MCC: variants seen among roughly 807,000 people sequenced by gnomAD.
MCC encodes colorectal mutant cancer protein.
A neutral mutation model predicts 116.2 loss-of-function variants in MCC; 90 were observed. That is an observed-to-expected ratio of 0.77 (90% CI 0.65 to 0.92). The LOEUF (loss-of-function observed/expected upper bound fraction) is 0.92, where lower values mean the gene tolerates loss of function less well. MCC is among the 40% of genes least tolerant of loss of function. MCC has a pLI of 0.00. For missense variants in MCC, 1,516 were observed against 1,312.2 expected (o/e 1.16, Z -2.40); for synonymous variants, 578 against 510.5 (o/e 1.13, Z -1.78).
intron 3 of MCC, 144 bp downstream of exon 3, chr5:113,340,375 T>G: frequency 2.7e-6 from 2 of 743,332 alleles, no homozygotes; most frequent in Non-Finnish European, 4.4e-6. Context: ...CACTAAACAT[T>G]ACTGGCAATG....
At position 113,303,087 on chromosome 5, in the gene MCC, C is replaced by T. The variant is rs866984793; in HGVS notation, c.627+37432G>A. 1.1e-3 allele frequency among the ~76,000 whole-genome samples: 163 copies of T among 152,242 alleles called. 1 individual carries two copies. Among genetic ancestry groups the T allele is most frequent in the Middle Eastern group, 6.8e-3 (2 of 294 alleles). On this transcript the variant is annotated intron_variant, in intron 3 of 18. Coordinates refer to ENST00000408903, the MANE Select transcript of MCC (RefSeq NM_001085377.2). ...GTTGGTGTGGGGAAGGACCAAGTTT[C>T]GCAGAGGAAATCAAGTGTTCCATGT... is the stretch of plus-strand genomic sequence containing the variant.
At chr5:113,090,992 G>A (rs1413972525) in intron 8 of MCC, among the ~76,000 whole-genome samples, 2 of 152,234 alleles carry the variant, frequency 1.3e-5, no homozygotes, top group African/African-American at 2.4e-5. Flanking sequence ...CAGAATGAGA[G>A]CGTGGGAGGG....
intron 3 of MCC, among the ~76,000 whole-genome samples, chr5:113,257,581 G>A (rs1452958304): frequency 6.6e-6 from 1 of 152,082 alleles, no homozygotes; most frequent in African/African-American, 2.4e-5. Context: ...GTTGAGAAGG[G>A]AAAGAAAACT....
Position 113,434,926 on chromosome 5 carries a change from T to G in MCC, c.171-49714A>C. Reference sequence around the variant, plus strand: ...GCAGTGTGCTCATTTACATCCTGGATAGAGAGTCCTTTGGGCTGGCCAGGC... The same window carrying G: ...GCAGTGTGCTCATTTACATCCTGGAGAGAGAGTCCTTTGGGCTGGCCAGGC... On this transcript the variant is annotated intron_variant, in intron 1 of 18. Transcript: ENST00000408903. This position sits in a 1 kb window ranked among gnomAD's most constrained non-coding sequence, Gnocchi z 4.2. The G allele has an allele frequency of 1.3e-6, 2 of 1,496,390 alleles. No individual in the cohort carries two copies. 92.7% of individuals were successfully genotyped at this position (1,496,390 alleles called of 1,614,324 possible).
intron 1 of MCC, among the ~76,000 whole-genome samples, chr5:113,464,845 G>A (rs1358696563): frequency 6.6e-6 from 1 of 151,808 alleles, no homozygotes; most frequent in African/African-American, 2.4e-5. Context: ...TAAAATGTAG[G>A]GGGAAAATTA....
chr5:113,433,888 C>T (rs1346199372), intron 1 of MCC: 1 of 1,614,020 alleles, frequency 6.2e-7, no homozygotes, highest in Admixed American at 1.7e-5. Flanking sequence ...TGGGGCTGTG[C>T]CTCTCCCTCA....
At chr5:113,152,579 C>T (rs1759946609) in intron 3 of MCC, among the ~76,000 whole-genome samples, 1 of 152,172 alleles carries the variant, frequency 6.6e-6, no homozygotes, top group African/African-American at 2.4e-5. Context: ...GTACGTAACT[C>T]AACTTTGAAG....
At chr5:113,203,050 A>T (rs1581247786) in intron 3 of MCC, among the ~76,000 whole-genome samples, 1 of 151,896 alleles carries the variant, frequency 6.6e-6, no homozygotes, top group Non-Finnish European at 1.5e-5. Context: ...TTTGGTGACC[A>T]CTCCCCTTCC....
chr5:113,169,284 C>T (rs559595584), intron 3 of MCC, among the ~76,000 whole-genome samples: 20 of 152,136 alleles, frequency 1.3e-4, no homozygotes, highest in African/African-American at 4.3e-4. Flanking sequence ...AGCCAAGAAA[C>T]CCAGAAGGAG....
chr5:113,319,380 TA>T (rs1349251621), intron 3 of MCC, among the ~76,000 whole-genome samples: 1 of 152,146 alleles, frequency 6.6e-6, no homozygotes, highest in Non-Finnish European at 1.5e-5. Context: ...GATGTAAACA[TA>T]AGGACTGGAA....
chr5:113,040,372 G>A (rs1486053648), intron 17 of MCC, among the ~76,000 whole-genome samples: 1 of 152,010 alleles, frequency 6.6e-6, no homozygotes, highest in African/African-American at 2.4e-5. Flanking sequence ...TTCTCCTTAA[G>A]GACAGCCCAT....
chr5:113,116,326 AACAAC>A (rs1428606389), intron 6 of MCC, among the ~76,000 whole-genome samples: 1 of 152,216 alleles, frequency 6.6e-6, no homozygotes, highest in Non-Finnish European at 1.5e-5. Context: ...GGGATGCGGT[AACAAC>A]ACTAGCAAGG....
intron 5 of MCC, among the ~76,000 whole-genome samples, chr5:113,132,429 T>TAC (rs1758503588): frequency 7.4e-5 from 1 of 13,444 alleles, no homozygotes; most frequent in African/African-American, 9.0e-5. Context: ...CACACATACA[T>TAC]ATATATATAT....
At chr5:113,049,463 C>G (rs1752346084) in intron 15 of MCC, among the ~76,000 whole-genome samples, 164 bp from the exon 16 acceptor site, 1 of 152,226 alleles carries the variant, frequency 6.6e-6, no homozygotes, top group Non-Finnish European at 1.5e-5. Flanking sequence ...AGACGTGGCA[C>G]CTGTCACCAC....
intron 3 of MCC, among the ~76,000 whole-genome samples, chr5:113,229,671 C>G (rs1763870934): frequency 6.6e-6 from 1 of 152,220 alleles, no homozygotes; most frequent in Non-Finnish European, 1.5e-5. Flanking sequence ...GCCACATATA[C>G]AACGGTGGTC....
chr5:113,141,380 C>G (rs762283642), intron 5 of MCC, among the ~76,000 whole-genome samples: 37 of 152,344 alleles, frequency 2.4e-4, no homozygotes, highest in Non-Finnish European at 4.9e-4. Flanking sequence ...TGAAACTTCT[C>G]AGACTCCATA....
rs577138143 is a variant in MCC, at chr5:113,393,391, T to C, written c.171-8179A>G. Among the ~76,000 whole-genome samples the C allele has an allele frequency of 2.0e-5, 3 of 152,326 alleles. No homozygotes were observed. In the South Asian group the frequency reaches 6.2e-4, roughly 32 times the overall value. ...GGAGGGGAAAATGTTTAAAATAATGTCATTCATATCAATAAGTGTTTACAG... is the reference window on the plus strand; with the variant it reads ...GGAGGGGAAAATGTTTAAAATAATGCCATTCATATCAATAAGTGTTTACAG... On this transcript the variant is annotated intron_variant, in intron 1 of 18. Coordinates refer to ENST00000408903, the MANE Select transcript of MCC (RefSeq NM_001085377.2).
chr5:113,256,167 C>G (rs148144424), intron 3 of MCC, among the ~76,000 whole-genome samples: 51 of 152,308 alleles, frequency 3.3e-4, no homozygotes, highest in African/African-American at 1.2e-3. Context: ...TTTAGCTGCA[C>G]CAACCCTATC....
chr5:113,115,782 C>A lies in MCC; in HGVS notation c.1027+6902G>T, dbSNP rs1757360005. Among the ~76,000 whole-genome samples the A allele has an allele frequency of 3.3e-5, 5 of 152,138 alleles. No individual in the cohort carries two copies. The South Asian group carries it at 1.0e-3, about 32-fold the overall frequency. ...TCATTTTACTTATTTGACTATTGAT[C>A]ACCTGAATTGGCACAGCTTTAAAAT... On this transcript the variant is annotated intron_variant, in intron 6 of 18. Transcript: ENST00000408903.
Sources: allele counts gnomAD v4.1 joint callset (sites outside exome capture counted in the v4.1 genomes callset), GRCh38; gene constraint gnomAD v4.1.1; non-coding constraint Gnocchi (gnomAD v3.1); transcripts MANE v1.5; gene names NCBI Gene and HGNC (gene_info 2026-07-23, HGNC 2026-07-21).